Variants in SRGAP3 observed in about 807,000 individuals in gnomAD.
SRGAP3 encodes the protein SLIT-ROBO Rho GTPase-activating protein 3.
A neutral mutation model predicts 121.1 loss-of-function variants in SRGAP3; 39 were observed. The ratio of observed to expected loss-of-function variants is 0.32; its 90% CI spans 0.25 to 0.42. The LOEUF is 0.42. SRGAP3 is among the 10% of genes least tolerant of loss of function. The probability of loss-of-function intolerance (pLI) is 1.00; values close to 1 mark genes in which losing one functional copy is unlikely to be tolerated. For missense variants in SRGAP3, 1,213 were observed against 1,470.6 expected, an observed-to-expected ratio of 0.82 and a Z score of 2.86; for synonymous variants, 601 against 570.0, an observed-to-expected ratio of 1.05 and a Z score of -0.77.
chr3:9,351,317 T>C (rs2030133482), intron 1 of SRGAP3, among the ~76,000 whole-genome samples: 1 of 152,230 alleles, frequency 6.6e-6, no homozygotes, highest in African/African-American at 2.4e-5. Context: ...CTTATCTCAG[T>C]GAAACTTCCC....
chr3:9,255,991 T>A (rs6768869), intron 3 of SRGAP3, among the ~76,000 whole-genome samples: 7,155 of 152,092 alleles, frequency 0.047, 566 homozygotes, highest in African/African-American at 0.16. Flanking sequence ...AGAAATCAAG[T>A]CACCTGACCC....
chr3:9,253,895 C>T (rs570880332), upstream of SRGAP3, among the ~76,000 whole-genome samples: 1 of 152,140 alleles, frequency 6.6e-6, no homozygotes, highest in South Asian at 2.1e-4. Flanking sequence ...TAAGGAAATA[C>T]GTGGATAAGC....
chr3:9,124,947 A>G, intron 1 of SRGAP3, 30 bp from the exon 2 acceptor site: 3 of 1,613,154 alleles, frequency 1.9e-6, no homozygotes, highest in Non-Finnish European at 2.5e-6. Flanking sequence ...GGAGCATGAG[A>G]CTGGTGGTGG....
intron 1 of SRGAP3, among the ~76,000 whole-genome samples, chr3:9,342,503 A>G (rs944553603): frequency 3.3e-5 from 5 of 152,178 alleles, no homozygotes; most frequent in African/African-American, 7.2e-5. Flanking sequence ...TTCAGTACTT[A>G]TATTTCTTGA....
chr3:9,258,081 C>G (rs1954173844), intron 3 of SRGAP3, among the ~76,000 whole-genome samples: 1 of 152,090 alleles, frequency 6.6e-6, no homozygotes, highest in Admixed American at 6.5e-5. Context: ...AGAGATAGTT[C>G]CTACTGTTGT....
rs1337899616 is a variant in SRGAP3 at position 8,980,807 on chromosome 3, G to A, written c.*4712C>T. The A allele has an allele frequency of 4.3e-6, 1 of 232,864 alleles. No homozygotes were observed. The highest frequency in any genetic ancestry group is 8.5e-6 in the Non-Finnish European group (1 of 117,658). 14.4% of individuals were successfully genotyped at this position (232,864 alleles called of 1,614,324 possible). On this transcript the variant is annotated 3_prime_UTR_variant, in exon 22 of 22. Coordinates refer to ENST00000383836, the MANE Select transcript of SRGAP3 (RefSeq NM_014850.4). ...AGGGTGGTTTTGGTCTGTTTTTCCT[G>A]TCACAATTTGGGGAGGAAGGAAACC...
intron 4 of SRGAP3, among the ~76,000 whole-genome samples, chr3:9,069,827 C>G (rs1184599434): frequency 1.3e-5 from 2 of 152,102 alleles, no homozygotes; most frequent in South Asian, 2.1e-4. Context: ...GGCCCCTGTA[C>G]TCCTAGCTAC....
In SRGAP3 at chr3:8,986,188, C is replaced by A. The variant is rs147454979; in HGVS notation, c.2887-256G>T. Among the ~76,000 whole-genome samples the A allele has an allele frequency of 7.7e-3, 1,170 of 152,288 alleles. 11 individuals carry two copies. Among genetic ancestry groups the A allele is most frequent in the Middle Eastern group, 0.02 (6 of 294 alleles). On this transcript the variant is annotated intron_variant, in intron 21 of 21. Coordinates refer to ENST00000383836, the MANE Select transcript of SRGAP3 (RefSeq NM_014850.4). ...AAAGAGGGCAGGCTCTGGAGTCAGACAGACACGGATTCAAATCCTGGCTCT... is the reference window on the plus strand; with the variant it reads ...AAAGAGGGCAGGCTCTGGAGTCAGAAAGACACGGATTCAAATCCTGGCTCT...
intron 1 of SRGAP3, among the ~76,000 whole-genome samples, chr3:9,216,009 T>C (rs546643832): frequency 6.6e-6 from 1 of 152,258 alleles, no homozygotes; most frequent in East Asian, 1.9e-4. Flanking sequence ...GACACACAGA[T>C]AGATAGGCAT....
At position 9,218,724 on chromosome 3, in the gene SRGAP3, GTGT is replaced by G. The variant is rs962459927; in HGVS notation, c.67+30158_67+30160del. ...ACTCTGTTGCCCAGGCTGGAGTGTA[GTGT>G]TGTAATCTCTGCTTGGCTCACTGCA... On this transcript the variant is annotated intron_variant, in intron 1 of 21. Transcript: ENST00000383836. The surrounding 1 kb of genome is among the most constrained non-coding windows in gnomAD (Gnocchi z 5.3). Among the ~76,000 whole-genome samples the G allele has an allele frequency of 5.9e-5, 9 of 151,602 alleles. No homozygotes were observed. The highest frequency in any genetic ancestry group is 1.9e-4 in the African/African-American group (8 of 41,262).
chr3:9,099,846 T>G (rs140428173), intron 3 of SRGAP3, among the ~76,000 whole-genome samples: 1 of 151,930 alleles, frequency 6.6e-6, no homozygotes, highest in East Asian at 1.9e-4. Context: ...CGCAGTGAGG[T>G]AATGTTTAAA....
intron 3 of SRGAP3, among the ~76,000 whole-genome samples, chr3:9,291,602 CCACACACACACACACACACACA>C (rs71049786): frequency 6.8e-6 from 1 of 146,918 alleles, no homozygotes; most frequent in Non-Finnish European, 1.5e-5. Context: ...TGCATCAACA[CCACACACACACACACACACACA>C]CACACACACA....
chr3:9,050,761 A>G (rs979309478), intron 9 of SRGAP3, among the ~76,000 whole-genome samples: 4 of 152,196 alleles, frequency 2.6e-5, no homozygotes, highest in Admixed American at 1.3e-4. Flanking sequence ...TTGTAACCAC[A>G]AATTCTCTTT....
At chr3:9,129,113 T>G (rs1291832070) in intron 1 of SRGAP3, among the ~76,000 whole-genome samples, 1 of 152,212 alleles carries the variant, frequency 6.6e-6, no homozygotes, top group African/African-American at 2.4e-5. Flanking sequence ...AAATTTTTTG[T>G]AGAGACAGGC....
intron 2 of SRGAP3, among the ~76,000 whole-genome samples, chr3:9,107,075 G>T (rs1353851040): frequency 6.6e-6 from 1 of 152,230 alleles, no homozygotes; most frequent in East Asian, 1.9e-4. Flanking sequence ...TTAGATAAAG[G>T]ATGGGAACTA....
intron 12 of SRGAP3, among the ~76,000 whole-genome samples, chr3:9,027,598 C>T (rs887285515): frequency 5.9e-5 from 9 of 152,324 alleles, no homozygotes; most frequent in African/African-American, 2.2e-4. Context: ...CCGATGTCAG[C>T]CATTGGCCAT....
chr3:9,095,420 T>C (rs1302868276), intron 3 of SRGAP3, among the ~76,000 whole-genome samples: 2 of 152,194 alleles, frequency 1.3e-5, no homozygotes, highest in African/African-American at 4.8e-5. Context: ...TGTTGCTTTT[T>C]ACCTTTAGCA....
At chr3:9,320,182 G>C (rs1955416981) in intron 3 of SRGAP3, among the ~76,000 whole-genome samples, 1 of 151,902 alleles carries the variant, frequency 6.6e-6, no homozygotes, top group Non-Finnish European at 1.5e-5. Flanking sequence ...AGTAAACTTG[G>C]AGCTGGCATG....
At chr3:9,094,430 A>T (rs1444313203) in intron 3 of SRGAP3, among the ~76,000 whole-genome samples, 1 of 152,182 alleles carries the variant, frequency 6.6e-6, no homozygotes, top group Non-Finnish European at 1.5e-5. Context: ...TGCAGCAAAC[A>T]TTCTCATACA....
Sources: gnomAD v4.1 joint callset for allele counts (sites outside exome capture counted in the v4.1 genomes callset) on GRCh38, gnomAD v4.1.1 for gene constraint, Gnocchi (gnomAD v3.1) non-coding constraint, MANE v1.5 for transcripts, NCBI Gene and HGNC (gene_info 2026-07-23, HGNC 2026-07-21) for gene names.